The following GFM1 variants were observed in gnomAD, a reference collection of about 807,000 sequenced individuals.
The protein encoded by GFM1 is elongation factor G, mitochondrial.
GFM1 carries 62 observed loss-of-function variants against 96.2 expected under a neutral mutation model. That is an observed-to-expected ratio of 0.64 (90% CI 0.53 to 0.80). The LOEUF (loss-of-function observed/expected upper bound fraction) is 0.80, where lower values mean the gene tolerates loss of function less well. GFM1 is among the 30% of genes least tolerant of loss of function. GFM1 has a pLI of 0.00. For synonymous variants in GFM1, 282 were observed against 312.9 expected (o/e 0.90, Z 1.04); for missense variants, 852 against 916.6 (o/e 0.93, Z 0.91).
Position 158,691,396 on chromosome 3 carries a change from G to C in GFM1, c.2185G>C (p.Glu729Gln). ...RYQPCLPSTQ[E>Q]DVINKYLEAT... ...TCAGCCATGTTTACCATCCACACAA[G>C]AAGACGTCATTAATAAGTATTTGGA... Residue 729 changes from glutamate (E) to glutamine (Q), a missense_variant, in exon 18 of 18, where the codon GAA becomes CAA. Physicochemically the swap from Glu to Gln is conservative, Grantham distance 29. Coordinates refer to ENST00000486715, the MANE Select transcript of GFM1 (RefSeq NM_024996.7). 6.2e-7 allele frequency: 1 copy of C among 1,613,720 alleles called. No individual in the cohort carries two copies. Among genetic ancestry groups the C allele is most frequent in the Non-Finnish European group, 8.5e-7 (1 of 1,179,790 alleles).
In GFM1 at chr3:158,645,630, T is replaced by G. The variant is rs1197646247; in HGVS notation, c.83T>G (p.Val28Gly). The G allele has an allele frequency of 6.2e-7, 1 of 1,612,050 alleles. No individual in the cohort carries two copies. The highest frequency in any genetic ancestry group is 8.5e-7 in the Non-Finnish European group (1 of 1,178,266). Reference sequence around the variant, plus strand: ...ATTGAGCTCTCGTATTTTTTTCAGGTTAATTGGAAGGCCTGCCGATGGTCT... The same window carrying G: ...ATTGAGCTCTCGTATTTTTTTCAGGGTAATTGGAAGGCCTGCCGATGGTCT... ...PASLGWQRKQVNWKACRWSSS... is the reference protein window; with the variant it reads ...PASLGWQRKQGNWKACRWSSS... Residue 28 changes from valine (V) to glycine (G), a missense_variant and splice_region_variant, in exon 2 of 18, where the codon GTT becomes GGT. Val to Gly is a moderately radical substitution (Grantham distance 109). Transcript: ENST00000486715.
At chr3:158,648,251 C>T (rs1721992312) in intron 4 of GFM1, among the ~76,000 whole-genome samples, 1 of 151,934 alleles carries the variant, frequency 6.6e-6, no homozygotes, top group Non-Finnish European at 1.5e-5. Flanking sequence ...TTTTGGTTTC[C>T]TTCAAATATT....
chr3:158,684,818 G>A (rs1363054556), intron 15 of GFM1, 150 bp downstream of exon 15: 6 of 709,328 alleles, frequency 8.5e-6, no homozygotes, highest in Non-Finnish European at 1.5e-5. Flanking sequence ...ATGGACTTGA[G>A]ATCAAGGTAG....
At chr3:158,655,727 A>G in intron 8 of GFM1, 1 of 365,730 alleles carries the variant, frequency 2.7e-6, no homozygotes, top group South Asian at 2.3e-5. Flanking sequence ...TATTGTTAAT[A>G]CACACTGTCA....
rs1726382012 is a variant in GFM1, at chr3:158,692,274, C to T, written c.*807C>T. ...AAAGTAGACCCTTGCATATACTATT[C>T]TTGTTTGTGTTCATCTTAATGTTTT... is the stretch of plus-strand genomic sequence containing the variant. On this transcript the variant is annotated 3_prime_UTR_variant, in exon 18 of 18. Transcript: ENST00000486715. 1 of 152,140 alleles carries T rather than the reference C, an allele frequency of 6.6e-6. No homozygotes were observed. The highest frequency in any genetic ancestry group is 2.4e-5 in the African/African-American group (1 of 41,434). The allele number at this position is 152,140 out of a possible 1,614,324, so 9.4% of individuals were successfully genotyped here. A position where few individuals can be genotyped will look rare whatever the true frequency, so the allele number is the denominator to read the frequency against.
chr3:158,646,617 A>G lies in GFM1; in HGVS notation c.368-126A>G, dbSNP rs1721825382. On this transcript the variant is annotated intron_variant, in intron 3 of 17. Transcript: ENST00000486715. Reference sequence around the variant, plus strand: ...TAAGGGTTGGTGAATAGTATTGGTGAGCTCAGGAATCTACATTCTTATTAG... The same window carrying G: ...TAAGGGTTGGTGAATAGTATTGGTGGGCTCAGGAATCTACATTCTTATTAG... 4 of 895,430 alleles carry G rather than the reference A, an allele frequency of 4.5e-6. No individual in the cohort carries two copies. The Admixed American group carries it at 8.1e-5, about 18-fold the overall frequency. 55.5% of individuals were successfully genotyped at this position (895,430 alleles called of 1,614,324 possible). A position where few individuals can be genotyped will look rare whatever the true frequency, so the allele number is the denominator to read the frequency against.
At position 158,666,387 on chromosome 3, in the gene GFM1, G is replaced by T; in HGVS notation, c.1601+1G>T. ...GAGAGACCATTACTGCCCCTGTCCCGTAAGTATGCAACGTAATTAAACATT... is the reference window on the plus strand; with the variant it reads ...GAGAGACCATTACTGCCCCTGTCCCTTAAGTATGCAACGTAATTAAACATT... On this transcript the variant is annotated splice_donor_variant, in intron 13 of 17. Transcript: ENST00000486715. LOFTEE classifies it high-confidence loss of function. 1.2e-6 allele frequency: 2 copies of T among 1,611,170 alleles called. No individual in the cohort carries two copies. Among genetic ancestry groups the T allele is most frequent in the Non-Finnish European group, 1.7e-6 (2 of 1,177,462 alleles).
chr3:158,690,563 T>C, intron 16 of GFM1: 1 of 511,948 alleles, frequency 2.0e-6, no homozygotes, highest in Non-Finnish European at 3.5e-6. Context: ...CTCTCTTTCT[T>C]GAATAAGCAC....
At chr3:158,667,088 TAAA>T in intron 13 of GFM1, 1 of 1,571,958 alleles carries the variant, frequency 6.4e-7, no homozygotes. Flanking sequence ...TGACAAAAAA[TAAA>T]AACGTGTTGT....
In GFM1 at chr3:158,645,918, A is replaced by G. The variant is rs1576721004; in HGVS notation, c.234+137A>G. The G allele has an allele frequency of 5.6e-6, 5 of 898,346 alleles. No homozygotes were observed. In the East Asian group the frequency reaches 1.3e-4, roughly 23 times the overall value. The allele number at this position is 898,346 out of a possible 1,614,324, so 55.6% of individuals were successfully genotyped here. ...ACTTTTGACAGTTAGGCTTATCTGA[A>G]AGTTGCTTAAGTTAAGTATCTGTGT... On this transcript the variant is annotated intron_variant, in intron 2 of 17. Transcript: ENST00000486715.
rs772937502 is a variant in GFM1, at chr3:158,666,284, A to G, written c.1519-20A>G. 2 of 1,581,158 alleles carry G rather than the reference A, an allele frequency of 1.3e-6. No individual in the cohort carries two copies. Among genetic ancestry groups the G allele is most frequent in the Non-Finnish European group, 1.7e-6 (2 of 1,151,692 alleles). ...GTTTATTTTTTTAAATTTAAATAAT[A>G]TTTTCCCCACTCTTTTTAGAGGCTG... On this transcript the variant is annotated intron_variant, in intron 12 of 17. Coordinates refer to ENST00000486715, the MANE Select transcript of GFM1 (RefSeq NM_024996.7).
rs115200761 is a variant in GFM1 at position 158,683,512 on chromosome 3, A to G, written c.1765-1012A>G. 6.9e-3 allele frequency among the ~76,000 whole-genome samples: 1,056 copies of G among 152,354 alleles called. 13 individuals carry two copies. The highest frequency in any genetic ancestry group is 0.024 in the African/African-American group (1,002 of 41,576). On this transcript the variant is annotated intron_variant, in intron 14 of 17. Transcript: ENST00000486715. The stretch of plus-strand genomic sequence containing the variant: ...TTCTTTTAAAATAATTAGATTTGAA[A>G]AAATGGTGAATTACTCTTTAATTCT...
chr3:158,691,647 A>T lies in GFM1; in HGVS notation c.*180A>T. On this transcript the variant is annotated 3_prime_UTR_variant, in exon 18 of 18. Transcript: ENST00000486715. The stretch of plus-strand genomic sequence containing the variant: ...ATTCAGGAGCTTCTGTTATATTCAA[A>T]GGTAATTCTATGTCTATCTCAACTC... The T allele has an allele frequency of 1.7e-6, 1 of 584,556 alleles. No individual in the cohort carries two copies. Among genetic ancestry groups the T allele is most frequent in the Non-Finnish European group, 3.0e-6 (1 of 332,308 alleles). 36.2% of individuals were successfully genotyped at this position (584,556 alleles called of 1,614,324 possible). A position where few individuals can be genotyped will look rare whatever the true frequency, so the allele number is the denominator to read the frequency against.
intron 13 of GFM1, chr3:158,669,583 C>T (rs1576763565): frequency 1.2e-6 from 2 of 1,613,852 alleles, no homozygotes; most frequent in Non-Finnish European, 1.7e-6. Context: ...GGGTAAAGTA[C>T]TTCAGCTGTG....
At chr3:158,675,680 C>A (rs1724825917) in intron 13 of GFM1, among the ~76,000 whole-genome samples, 1 of 152,008 alleles carries the variant, frequency 6.6e-6, no homozygotes, top group Admixed American at 6.6e-5. Context: ...GAGTTTTAAT[C>A]TTATAAAATT....
At chr3:158,655,604 G>A (rs1470354808) in intron 8 of GFM1, among the ~76,000 whole-genome samples, 1 of 151,914 alleles carries the variant, frequency 6.6e-6, no homozygotes, top group African/African-American at 2.4e-5. Flanking sequence ...TTTTTGACAT[G>A]AAAAGATGTT....
At chr3:158,647,060 T>C (rs140925484) in intron 4 of GFM1, 113 bp downstream of exon 4, 1 of 871,410 alleles carries the variant, frequency 1.1e-6, no homozygotes, top group East Asian at 2.7e-5. Flanking sequence ...TTTAGTTTTT[T>C]AAATATATTT....
chr3:158,650,299 A>C (rs1246044021), intron 5 of GFM1: 2 of 495,268 alleles, frequency 4.0e-6, no homozygotes, highest in Non-Finnish European at 7.4e-6. Context: ...AGCCCCTAGA[A>C]CAACTAGTTA....
Position 158,694,712 on chromosome 3 carries a change from TA to T in GFM1, c.*3255del, listed in dbSNP as rs199667879. Among the ~76,000 whole-genome samples, 12 of 147,820 alleles carry T rather than the reference TA, an allele frequency of 8.1e-5. No individual in the cohort carries two copies. The highest frequency in any genetic ancestry group is 1.5e-4 in the African/African-American group (6 of 40,344). ...CATGCCTGGCTTGATAACTTTACCT[TA>T]AAAAAAAAAGTGTTCCTATTTATAT... On this transcript the variant is annotated 3_prime_UTR_variant, in exon 18 of 18. Coordinates refer to ENST00000486715, the MANE Select transcript of GFM1 (RefSeq NM_024996.7).
Sources: gnomAD v4.1 joint callset for allele counts (sites outside exome capture counted in the v4.1 genomes callset) on GRCh38, gnomAD v4.1.1 for gene constraint, MANE v1.5 for transcripts, NCBI Gene and HGNC (gene_info 2026-07-23, HGNC 2026-07-21) for gene names.